Variants in COL4A5 observed in about 807,000 individuals in gnomAD.
COL4A5 encodes collagen type IV alpha 5 chain, also known as collagen alpha-5(IV) chain.
In COL4A5, 26 loss-of-function variants were observed where a neutral mutation model predicts 130.2. That is an observed-to-expected ratio of 0.20 (90% CI 0.15 to 0.28). The LOEUF (loss-of-function observed/expected upper bound fraction) is 0.28, where lower values mean the gene tolerates loss of function less well. Ranked by LOEUF, COL4A5 falls within the 10% of genes least tolerant of loss-of-function variation. The pLI is 1.00. For missense variants in COL4A5, 1,131 were observed against 1,344.3 expected, an observed-to-expected ratio of 0.84 and a Z score of 2.48; for synonymous variants, 496 against 439.6, an observed-to-expected ratio of 1.13 and a Z score of -1.60.
intron 42 of COL4A5, among the ~76,000 whole-genome samples, chrX:108,672,929 G>A (rs1430551648): frequency 8.9e-6 from 1 of 112,058 alleles, no homozygotes; most frequent in Admixed American, 9.5e-5. Flanking sequence ...TTAATTTGCT[G>A]TCTGTGATTT....
intron 4 of COL4A5, among the ~76,000 whole-genome samples, chrX:108,564,650 GTTAAC>G (rs1041504565): frequency 2.1e-4 from 23 of 111,747 alleles, no homozygotes; most frequent in African/African-American, 6.2e-4. Flanking sequence ...TTCTTCATTT[GTTAAC>G]TTAAGAGAGC....
rs189117494 is a variant in COL4A5, at chrX:108,481,529, A to G, written c.81+41323A>G. Among the ~76,000 whole-genome samples the G allele has an allele frequency of 1.6e-4, 18 of 111,957 alleles. No individual in the cohort carries two copies. The Admixed American group carries it at 1.7e-3, about 11-fold the overall frequency. On this transcript the variant is annotated intron_variant, in intron 1 of 52. Transcript: ENST00000328300. ...CTCTGTATAATTTAAGTAGGAATGA[A>G]GTAGGCTTCCTATCAGTTTCGCTTC... is the stretch of plus-strand genomic sequence containing the variant.
intron 4 of COL4A5, among the ~76,000 whole-genome samples, chrX:108,566,061 T>A (rs1339688110): frequency 3.7e-5 from 4 of 107,650 alleles, no homozygotes; most frequent in African/African-American, 1.4e-4. Flanking sequence ...CATCAAAAAT[T>A]TCCCTGTCAA....
chrX:108,653,885 A>G (rs1326240666), intron 36 of COL4A5, among the ~76,000 whole-genome samples: 1 of 112,227 alleles, frequency 8.9e-6, no homozygotes, highest in Non-Finnish European at 1.9e-5. Context: ...AATGAACTAG[A>G]TATTTGATTT....
intron 37 of COL4A5, among the ~76,000 whole-genome samples, chrX:108,657,083 G>T (rs2067857530): frequency 1.8e-5 from 2 of 111,365 alleles, no homozygotes; most frequent in South Asian, 3.7e-4. Context: ...TCTATTTGAG[G>T]TTATGGAAAT....
At chrX:108,495,465 A>G (rs2065027140) in intron 1 of COL4A5, among the ~76,000 whole-genome samples, 1 of 111,626 alleles carries the variant, frequency 9.0e-6, no homozygotes, top group Admixed American at 9.6e-5. Flanking sequence ...TATTTAGAAT[A>G]TATATTTTTA....
intron 1 of COL4A5, among the ~76,000 whole-genome samples, chrX:108,537,767 A>C (rs1025154517): frequency 8.9e-6 from 1 of 112,022 alleles, no homozygotes; most frequent in Non-Finnish European, 1.9e-5. Flanking sequence ...AATTATTCTT[A>C]CATTAACAGC....
intron 2 of COL4A5, among the ~76,000 whole-genome samples, chrX:108,551,097 G>A (rs1488623968): frequency 9.0e-6 from 1 of 111,564 alleles, no homozygotes; most frequent in Non-Finnish European, 1.9e-5. Context: ...AATAATTTAT[G>A]ACTAAGTTCC....
chrX:108,468,114 A>C, intron 1 of COL4A5, among the ~76,000 whole-genome samples: 1 of 111,755 alleles, frequency 8.9e-6, no homozygotes, highest in Middle Eastern at 4.6e-3. Flanking sequence ...CTATATTTTA[A>C]ATAATTTTAT....
intron 1 of COL4A5, among the ~76,000 whole-genome samples, chrX:108,455,820 CTAGT>C (rs1315860162): frequency 9.0e-6 from 1 of 111,707 alleles, no homozygotes; most frequent in Non-Finnish European, 1.9e-5. Flanking sequence ...TTGAAACTCA[CTAGT>C]CTGTTCTATT....
chrX:108,606,697 A>G, intron 28 of COL4A5, 45 bp from the exon 29 acceptor site: 1 of 1,200,438 alleles, frequency 8.3e-7, no homozygotes, highest in East Asian at 3.0e-5. Flanking sequence ...AAGGACAGAA[A>G]AGTCATGGGA....
chrX:108,647,787 A>C (rs900309055), intron 36 of COL4A5, among the ~76,000 whole-genome samples: 5 of 111,616 alleles, frequency 4.5e-5, no homozygotes, highest in African/African-American at 1.6e-4. Context: ...AGTTTTTAGC[A>C]TGAAGGTTGT....
intron 1 of COL4A5, among the ~76,000 whole-genome samples, chrX:108,480,900 G>A (rs776620565): frequency 1.4e-4 from 16 of 112,090 alleles, no homozygotes; most frequent in Non-Finnish European, 2.3e-4. Context: ...CCACGGATAC[G>A]ATATTGTTGT....
At chrX:108,514,498 T>TAC (rs761244133) in intron 1 of COL4A5, among the ~76,000 whole-genome samples, 1 of 112,166 alleles carries the variant, frequency 8.9e-6, no homozygotes, top group East Asian at 2.8e-4. Flanking sequence ...GGGAACCATT[T>TAC]ACACTGGCAT....
chrX:108,557,061 A>T (rs912332727), intron 2 of COL4A5, among the ~76,000 whole-genome samples: 1 of 111,618 alleles, frequency 9.0e-6, no homozygotes, highest in Non-Finnish European at 1.9e-5. Flanking sequence ...TGTAGGCGAG[A>T]TAGCAGTTTT....
At chrX:108,571,258 G>A (rs2066060857) in intron 6 of COL4A5, among the ~76,000 whole-genome samples, 155 bp from the exon 7 acceptor site, 1 of 112,008 alleles carries the variant, frequency 8.9e-6, no homozygotes, top group Non-Finnish European at 1.9e-5. Flanking sequence ...AGTTGATATT[G>A]AAGTAATTGG....
At chrX:108,671,400 T>C (rs976724232) in intron 42 of COL4A5, among the ~76,000 whole-genome samples, 2 of 112,018 alleles carry the variant, frequency 1.8e-5, no homozygotes, top group Non-Finnish European at 3.8e-5. Context: ...TGTTTCTACC[T>C]GAATTGATTC....
At chrX:108,476,132 C>T in intron 1 of COL4A5, among the ~76,000 whole-genome samples, 1 of 111,687 alleles carries the variant, frequency 9.0e-6, no homozygotes, top group Admixed American at 9.5e-5. Flanking sequence ...TCTTAGTCTG[C>T]TAAGAGTTTT....
chrX:108,616,338 C>T (rs189909180), intron 30 of COL4A5, among the ~76,000 whole-genome samples: 2 of 110,335 alleles, frequency 1.8e-5, no homozygotes, highest in Admixed American at 9.7e-5. Context: ...TGGGCTCAAA[C>T]GATTCTCCTG....
Sources: gnomAD v4.1 joint callset for allele counts (sites outside exome capture counted in the v4.1 genomes callset) on GRCh38, gnomAD v4.1.1 for gene constraint, MANE v1.5 for transcripts, NCBI Gene and HGNC (gene_info 2026-07-23, HGNC 2026-07-21) for gene names.